The following IL18R1 variants were observed in gnomAD, a reference collection of about 807,000 sequenced individuals.
IL18R1 encodes the protein interleukin-18 receptor 1.
In IL18R1, 40 loss-of-function variants were observed where a neutral mutation model predicts 48.5. That is an observed-to-expected ratio of 0.82 (90% CI 0.64 to 1.07). The LOEUF (loss-of-function observed/expected upper bound fraction) is 1.07, where lower values mean the gene tolerates loss of function less well. Ranked by LOEUF, IL18R1 falls within the 50% of genes least tolerant of loss-of-function variation. IL18R1 has a pLI of 0.00. For synonymous variants in IL18R1, 232 were observed against 225.9 expected, an observed-to-expected ratio of 1.03 and a Z score of -0.24; for missense variants, 596 against 633.7, an observed-to-expected ratio of 0.94 and a Z score of 0.64.
chr2:102,397,824 G>A lies in IL18R1; in HGVS notation c.*938G>A, dbSNP rs985394045. 1 of 152,310 alleles carries A rather than the reference G, an allele frequency of 6.6e-6. No individual in the cohort carries two copies. The allele number at this position is 152,310 out of a possible 1,614,324, so 9.4% of individuals were successfully genotyped here. A position where few individuals can be genotyped will look rare whatever the true frequency, so the allele number is the denominator to read the frequency against. On this transcript the variant is annotated 3_prime_UTR_variant, in exon 11 of 11. Transcript: ENST00000233957. ...AGCCCATCCTGAGCTCCAGTCCTGA[G>A]TTTGCTACTTACTTCTGTGGCCTCT...
intron 6 of IL18R1, among the ~76,000 whole-genome samples, chr2:102,381,997 G>A (rs1679949185): frequency 6.6e-6 from 1 of 152,160 alleles, no homozygotes; most frequent in South Asian, 2.1e-4. Context: ...TTTAGGCCGG[G>A]CATGGTGGCT....
Position 102,375,986 on chromosome 2 carries a change from A to T in IL18R1, c.548A>T (p.Tyr183Phe). 1.9e-6 allele frequency: 3 copies of T among 1,609,578 alleles called. No homozygotes were observed. Among genetic ancestry groups the T allele is most frequent in the Non-Finnish European group, 2.5e-6 (3 of 1,178,290 alleles). The change falls in exon 5 of 11, where the codon TAC becomes TTC. Residue 183 changes from tyrosine to phenylalanine, a missense_variant. Tyr to Phe is a conservative substitution (Grantham distance 22, BLOSUM62 3). Transcript: ENST00000233957. ...GCCGAGTTTGAAGATCAGGGGTATT[A>T]CTCCTGCGTGCATTTCCTTCATCAT... ...KNAEFEDQGY[Y>F]SCVHFLHHNG... is the part of the protein sequence containing the mutation.
intron 4 of IL18R1, among the ~76,000 whole-genome samples, chr2:102,375,670 GC>G (rs963787759): frequency 3.9e-5 from 6 of 152,134 alleles, no homozygotes; most frequent in Non-Finnish European, 8.8e-5. Flanking sequence ...TGCTCATATT[GC>G]CCCATGCTCT....
At chr2:102,383,362 T>C (rs1680027009) in intron 6 of IL18R1, among the ~76,000 whole-genome samples, 1 of 152,240 alleles carries the variant, frequency 6.6e-6, no homozygotes, top group African/African-American at 2.4e-5. Flanking sequence ...ATCTGCTTGT[T>C]CCATGTGTTG....
intron 9 of IL18R1, among the ~76,000 whole-genome samples, chr2:102,391,440 C>T (rs1680565227): frequency 6.6e-6 from 1 of 152,218 alleles, no homozygotes; most frequent in African/African-American, 2.4e-5. Context: ...TTTTTTAGGG[C>T]CGCACAGTAT....
intron 1 of IL18R1, among the ~76,000 whole-genome samples, chr2:102,360,201 T>C (rs946116854): frequency 1.3e-5 from 2 of 152,232 alleles, no homozygotes; most frequent in African/African-American, 4.8e-5. Context: ...CAAAGAGTTT[T>C]GTGACACAGG....
chr2:102,396,553 A>T lies in IL18R1; in HGVS notation c.1293A>T (p.Ser431=). 1 of 1,599,784 alleles carries T rather than the reference A, an allele frequency of 6.3e-7. No homozygotes were observed. Among genetic ancestry groups the T allele is most frequent in the Non-Finnish European group, 8.5e-7 (1 of 1,173,182 alleles). Residue 431 remains serine, a synonymous_variant, in exon 11 of 11, where the codon TCA becomes TCT. Coordinates refer to ENST00000233957, the MANE Select transcript of IL18R1 (RefSeq NM_003855.5). ...PGGAVVDEIH[S]LIEKSRRLII... is the part of the protein sequence containing the mutation. Reference sequence around the variant, plus strand: ...CAGCTGTTGTTGATGAAATCCACTCACTGATAGAGAAAAGCCGAAGACTAA... The same window carrying T: ...CAGCTGTTGTTGATGAAATCCACTCTCTGATAGAGAAAAGCCGAAGACTAA...
chr2:102,359,867 C>T (rs537789725), intron 1 of IL18R1, among the ~76,000 whole-genome samples: 7 of 152,280 alleles, frequency 4.6e-5, no homozygotes, highest in African/African-American at 7.2e-5. Context: ...AACATTTAAG[C>T]GGTATTACCA....
intron 5 of IL18R1, among the ~76,000 whole-genome samples, chr2:102,378,283 T>G (rs1263055408): frequency 1.3e-5 from 2 of 152,206 alleles, no homozygotes; most frequent in African/African-American, 4.8e-5. Context: ...TGAGTTAATT[T>G]CCTTAGTTCC....
Position 102,381,672 on chromosome 2 carries a change from A to G in IL18R1, c.678A>G (p.Ala226=), listed in dbSNP as rs377261209. ...VLLGPKLNHV[A]VELGKNVRLN... ...TTGGACCAAAGCTTAACCATGTTGCAGTGGAATTAGGTATATTTCAATATA... is the reference window on the plus strand; with the variant it reads ...TTGGACCAAAGCTTAACCATGTTGCGGTGGAATTAGGTATATTTCAATATA... Residue 226 remains alanine, a synonymous_variant, in exon 6 of 11, where the codon GCA becomes GCG. Coordinates refer to ENST00000233957, the MANE Select transcript of IL18R1 (RefSeq NM_003855.5). 33 of 1,609,242 alleles carry G rather than the reference A, an allele frequency of 2.1e-5. No homozygotes were observed. In the Middle Eastern group the frequency reaches 4.9e-4, roughly 24 times the overall value.
At chr2:102,382,133 C>T (rs1305278510) in intron 6 of IL18R1, among the ~76,000 whole-genome samples, 1 of 152,026 alleles carries the variant, frequency 6.6e-6, no homozygotes, top group African/African-American at 2.4e-5. Context: ...ATTAGCCAGG[C>T]ATGGTGGCAT....
Position 102,396,664 on chromosome 2 carries a change from A to G in IL18R1, c.1404A>G (p.Lys468=). ...TCCATGAAGCATTGGTGGAAAGAAA[A>G]ATTAAAATAATCTTAATTGAATTTA... The part of the protein sequence containing the change: ...SGLHEALVER[K]IKIILIEFTP... Residue 468 remains lysine, a synonymous_variant, in exon 11 of 11, where the codon AAA becomes AAG. Transcript: ENST00000233957. 1 of 1,613,710 alleles carries G rather than the reference A, an allele frequency of 6.2e-7. No individual in the cohort carries two copies. Among genetic ancestry groups the G allele is most frequent in the Non-Finnish European group, 8.5e-7 (1 of 1,179,618 alleles).
chr2:102,377,683 C>G (rs939893006), intron 5 of IL18R1, among the ~76,000 whole-genome samples: 10 of 152,230 alleles, frequency 6.6e-5, no homozygotes, highest in African/African-American at 2.4e-4. Flanking sequence ...TTGGCTTGTG[C>G]CACTTCATTT....
intron 1 of IL18R1, among the ~76,000 whole-genome samples, chr2:102,357,318 C>T (rs890893048): frequency 2.0e-5 from 3 of 151,826 alleles, no homozygotes; most frequent in African/African-American, 4.8e-5. Context: ...GGTGAAACCC[C>T]GTCTCTACTA....
At chr2:102,369,440 G>A (rs1474495289) in intron 3 of IL18R1, among the ~76,000 whole-genome samples, 1 of 152,210 alleles carries the variant, frequency 6.6e-6, no homozygotes, top group Non-Finnish European at 1.5e-5. Flanking sequence ...TGGAGAGACA[G>A]GGTAGCAGAT....
intron 3 of IL18R1, among the ~76,000 whole-genome samples, chr2:102,370,608 T>G (rs1048619040): frequency 6.6e-6 from 1 of 152,226 alleles, no homozygotes; most frequent in African/African-American, 2.4e-5. Flanking sequence ...TTCATTGGAT[T>G]GTGAAAGTGT....
At chr2:102,377,392 G>A (rs1679651621) in intron 5 of IL18R1, among the ~76,000 whole-genome samples, 1 of 152,180 alleles carries the variant, frequency 6.6e-6, no homozygotes, top group African/African-American at 2.4e-5. Context: ...GGGGCTCACT[G>A]CAAGCTCCGC....
intron 1 of IL18R1, among the ~76,000 whole-genome samples, chr2:102,357,166 C>A (rs566267032): frequency 4.1e-4 from 63 of 152,242 alleles, no homozygotes; most frequent in African/African-American, 1.2e-3. Context: ...CCTCTCCCTG[C>A]ACAAATATAC....
chr2:102,375,886 A>G, intron 4 of IL18R1, 21 bp from the exon 5 acceptor site: 1 of 1,503,288 alleles, frequency 6.7e-7, no homozygotes, highest in East Asian at 2.4e-5. Context: ...AAAGTATTTT[A>G]ACTTGTTTTA....
Sources: gnomAD v4.1 joint callset for allele counts (sites outside exome capture counted in the v4.1 genomes callset) on GRCh38, gnomAD v4.1.1 for gene constraint, MANE v1.5 for transcripts, NCBI Gene and HGNC (gene_info 2026-07-23, HGNC 2026-07-21) for gene names.